DAB1: variants seen among roughly 807,000 people sequenced by gnomAD.
DAB1 encodes the protein DAB adaptor protein 1.
In DAB1, 15 loss-of-function variants were observed where a neutral mutation model predicts 64.6. That is an observed-to-expected ratio of 0.23 (90% CI 0.16 to 0.36). The LOEUF (loss-of-function observed/expected upper bound fraction) is 0.36. DAB1 is among the 10% of genes least tolerant of loss of function. The pLI, the probability that DAB1 is intolerant of heterozygous loss-of-function variation, is 1.00. For synonymous variants in DAB1, 235 were observed against 251.9 expected, an observed-to-expected ratio of 0.93 and a Z score of 0.64; for missense variants, 596 against 706.7, an observed-to-expected ratio of 0.84 and a Z score of 1.78.
At chr1:57,611,838 C>T (rs1466519002) in intron 7 of DAB1, among the ~76,000 whole-genome samples, 1 of 152,180 alleles carries the variant, frequency 6.6e-6, no homozygotes, top group Admixed American at 6.5e-5. Flanking sequence ...AATCAAGATA[C>T]CTCATTCCTC....
intron 5 of DAB1, among the ~76,000 whole-genome samples, chr1:57,923,383 G>T (rs1277225457): frequency 6.6e-6 from 1 of 152,194 alleles, no homozygotes; most frequent in Non-Finnish European, 1.5e-5. Context: ...CCACCAAATT[G>T]ATTGCATCAG....
intron 1 of DAB1, among the ~76,000 whole-genome samples, chr1:57,838,858 C>T (rs115699194): frequency 0.018 from 2,671 of 151,350 alleles, 92 homozygotes; most frequent in African/African-American, 0.063. Flanking sequence ...CTCACTGTAG[C>T]TTTGAGGTCC....
chr1:57,851,552 A>G (rs1161699859), intron 1 of DAB1, among the ~76,000 whole-genome samples: 1 of 152,104 alleles, frequency 6.6e-6, no homozygotes, highest in African/African-American at 2.4e-5. Flanking sequence ...GAGTACTGGG[A>G]TTGTACTGGA....
intron 1 of DAB1, among the ~76,000 whole-genome samples, chr1:57,331,006 T>A (rs557718525): frequency 2.1e-4 from 32 of 152,230 alleles, no homozygotes; most frequent in Admixed American, 8.5e-4. Context: ...CTTGCCTATC[T>A]CTTCCAGTTC....
Position 58,422,877 on chromosome 1 carries a change from C to T in DAB1, n.258-79474G>A, listed in dbSNP as rs115485740. 8.5e-3 allele frequency among the ~76,000 whole-genome samples: 1,291 copies of T among 152,244 alleles called. 11 individuals are homozygous for T. Among genetic ancestry groups the T allele is most frequent in the Non-Finnish European group, 0.013 (884 of 68,020 alleles). ...TCCAGCAGAAGCAGCAGAAGCAAGG[C>T]TTCTCTCACTTCTTCTAAATCTAAC... On this transcript the variant is annotated intron_variant and non_coding_transcript_variant, in intron 3 of 20. Transcript: ENST00000485760.
At chr1:57,517,330 G>A (rs1056593539) in intron 7 of DAB1, among the ~76,000 whole-genome samples, 20 of 151,570 alleles carry the variant, frequency 1.3e-4, no homozygotes, top group Non-Finnish European at 2.8e-4. Context: ...AATGCACTTC[G>A]TAGTTTGCAT....
chr1:57,015,891 T>C (rs922379968), intron 11 of DAB1, among the ~76,000 whole-genome samples: 1 of 152,210 alleles, frequency 6.6e-6, no homozygotes, highest in African/African-American at 2.4e-5. Flanking sequence ...TTCACAGGAC[T>C]TAGGCAGTGT....
intron 7 of DAB1, among the ~76,000 whole-genome samples, chr1:57,535,317 C>A (rs1236852056): frequency 1.3e-5 from 2 of 152,040 alleles, no homozygotes; most frequent in East Asian, 3.9e-4. Context: ...TAGGACATAA[C>A]AAGTGAAAAA....
chr1:57,676,073 T>C (rs755298993), intron 6 of DAB1, among the ~76,000 whole-genome samples: 5 of 152,076 alleles, frequency 3.3e-5, no homozygotes, highest in Non-Finnish European at 7.4e-5. Context: ...AAACATAGCA[T>C]TTAAGGAATG....
intron 6 of DAB1, among the ~76,000 whole-genome samples, chr1:57,745,824 TCCAGTGG>T (rs1648235365): frequency 6.6e-6 from 1 of 152,190 alleles, no homozygotes; most frequent in Non-Finnish European, 1.5e-5. Context: ...TTCTTCCCTC[TCCAGTGG>T]CCACTACTTT....
intron 1 of DAB1, among the ~76,000 whole-genome samples, chr1:57,376,462 T>G (rs529861198): frequency 2.0e-5 from 3 of 152,334 alleles, no homozygotes; most frequent in African/African-American, 4.8e-5. Flanking sequence ...ATTAATAAAG[T>G]GAGAATTTAA....
At chr1:57,362,760 G>A (rs1679658822) in intron 1 of DAB1, among the ~76,000 whole-genome samples, 1 of 152,002 alleles carries the variant, frequency 6.6e-6, no homozygotes, top group Non-Finnish European at 1.5e-5. Context: ...TCAGTTTATG[G>A]CATTTTGTCA....
At chr1:57,104,983 G>A (rs1240037247) in intron 4 of DAB1, among the ~76,000 whole-genome samples, 2 of 152,212 alleles carry the variant, frequency 1.3e-5, no homozygotes, top group African/African-American at 4.8e-5. Context: ...TCCCAGGGCT[G>A]TCTCTAGGTT....
chr1:57,306,067 T>C (rs1384584134), intron 1 of DAB1, among the ~76,000 whole-genome samples: 2 of 152,240 alleles, frequency 1.3e-5, no homozygotes, highest in East Asian at 3.9e-4. Flanking sequence ...ACATTCCCCA[T>C]GCTGTTACTT....
intron 8 of DAB1, among the ~76,000 whole-genome samples, chr1:57,065,716 C>A (rs1002832441): frequency 8.5e-5 from 13 of 152,200 alleles, no homozygotes; most frequent in Non-Finnish European, 1.6e-4. Context: ...AAGTTTCAGA[C>A]CAAAAGGAAC....
At chr1:57,703,626 G>A (rs1646932793) in intron 6 of DAB1, among the ~76,000 whole-genome samples, 1 of 152,108 alleles carries the variant, frequency 6.6e-6, no homozygotes, top group Non-Finnish European at 1.5e-5. Context: ...CCAATAGTGT[G>A]GTGATTCCTC....
intron 4 of DAB1, among the ~76,000 whole-genome samples, chr1:58,286,918 C>T (rs1424690901): frequency 6.6e-6 from 1 of 152,166 alleles, no homozygotes; most frequent in African/African-American, 2.4e-5. Context: ...GGAATCAACA[C>T]AAATGCCCAT....
intron 1 of DAB1, among the ~76,000 whole-genome samples, chr1:57,870,389 T>C (rs1643922830): frequency 6.6e-6 from 1 of 152,002 alleles, no homozygotes; most frequent in South Asian, 2.1e-4. Flanking sequence ...AAGAAGCCGT[T>C]TTATTGGAGA....
chr1:58,111,568 T>C (rs1435586248), intron 5 of DAB1, among the ~76,000 whole-genome samples: 1 of 152,232 alleles, frequency 6.6e-6, no homozygotes, highest in Non-Finnish European at 1.5e-5. Context: ...ACATGGTGTT[T>C]ACTTGGAACA....
Sources: allele counts gnomAD v4.1 joint callset (sites outside exome capture counted in the v4.1 genomes callset), GRCh38; gene constraint gnomAD v4.1.1; transcripts MANE v1.5; gene names NCBI Gene and HGNC (gene_info 2026-07-23, HGNC 2026-07-21).